The following GPR107 variants were observed in gnomAD, a reference collection of about 807,000 sequenced individuals.
The protein encoded by GPR107 is G protein-coupled receptor 107.
Under a neutral mutation model 75.5 loss-of-function variants are expected in GPR107, and 31 were observed. The observed-to-expected ratio is 0.41, with a 90% CI of 0.31 to 0.55. The LOEUF is 0.55. GPR107 is among the 20% of genes least tolerant of loss of function. The probability of loss-of-function intolerance (pLI) is 0.26; values close to 1 mark genes in which losing one functional copy is unlikely to be tolerated. For missense variants in GPR107, 572 were observed against 665.7 expected (o/e 0.86, Z 1.55); for synonymous variants, 267 against 251.3 (o/e 1.06, Z -0.59).
At chr9:130,107,439 TAGAG>T (rs1831186843) in intron 13 of GPR107, 53 bp from the exon 14 acceptor site, 16 of 969,600 alleles carry the variant, frequency 1.7e-5, no homozygotes, top group Non-Finnish European at 2.4e-5. Flanking sequence ...GAGCTGGAAA[TAGAG>T]AGGAGTGCAG....
rs547323889 is a variant in GPR107 at position 130,117,658 on chromosome 9, C to T, written c.1307-7257C>T. Among the ~76,000 whole-genome samples, 236 of 152,258 alleles carry T rather than the reference C, an allele frequency of 1.5e-3. 1 individual carries two copies. The highest frequency in any genetic ancestry group is 5.5e-3 in the African/African-American group (229 of 41,536). On this transcript the variant is annotated intron_variant, in intron 14 of 17. Coordinates refer to ENST00000347136, the MANE Select transcript of GPR107 (RefSeq NM_020960.5). ...CAGCGTAAGTCAGAGGTACTCTTAA[C>T]GCCAGCCAGGCTGTCCATCGTCTTT...
chr9:130,098,517 T>A (rs565612048), intron 9 of GPR107, among the ~76,000 whole-genome samples: 1 of 152,290 alleles, frequency 6.6e-6, no homozygotes, highest in African/African-American at 2.4e-5. Context: ...TCTACCTCAT[T>A]CTTGCCTCTG....
chr9:130,107,030 G>T (rs1324143967), intron 13 of GPR107, among the ~76,000 whole-genome samples: 1 of 152,170 alleles, frequency 6.6e-6, no homozygotes, highest in African/African-American at 2.4e-5. Flanking sequence ...TTTTTCAGCA[G>T]TGTTAAAAAT....
intron 17 of GPR107, among the ~76,000 whole-genome samples, chr9:130,132,829 T>TTATATATA (rs35291670): frequency 5.0e-4 from 74 of 147,696 alleles, no homozygotes; most frequent in African/African-American, 1.8e-3. Flanking sequence ...TTTTATATAT[T>TTATATATA]TATATATATA....
intron 9 of GPR107, 76 bp downstream of exon 9, chr9:130,092,457 G>A: frequency 8.3e-7 from 1 of 1,209,892 alleles, no homozygotes; most frequent in Non-Finnish European, 1.2e-6. Flanking sequence ...TCCTGAACCT[G>A]GAGGCAGTTG....
At chr9:130,104,931 T>G (rs1277390344) in intron 13 of GPR107, among the ~76,000 whole-genome samples, 2 of 152,236 alleles carry the variant, frequency 1.3e-5, no homozygotes, top group Non-Finnish European at 1.5e-5. Flanking sequence ...AGGAAGTTCA[T>G]TAACATAAAA....
At chr9:130,069,399 T>C (rs555529810) in intron 1 of GPR107, among the ~76,000 whole-genome samples, 2 of 152,308 alleles carry the variant, frequency 1.3e-5, no homozygotes, top group South Asian at 4.1e-4. Flanking sequence ...CCATTGCCTG[T>C]GTCAGTGCTA....
intron 2 of GPR107, 119 bp from the exon 3 acceptor site, chr9:130,076,293 A>G (rs1830347624): frequency 3.3e-6 from 2 of 612,996 alleles, no homozygotes; most frequent in South Asian, 2.2e-5. Flanking sequence ...TTCTTACAAA[A>G]TGAATGCTAA....
chr9:130,116,663 C>G (rs888126073), intron 14 of GPR107, among the ~76,000 whole-genome samples: 8 of 152,164 alleles, frequency 5.3e-5, no homozygotes, highest in African/African-American at 1.9e-4. Context: ...TTGCACACCA[C>G]CTTCTCGGGT....
At chr9:130,084,665 G>A (rs1320111295) in intron 6 of GPR107, among the ~76,000 whole-genome samples, 1 of 151,334 alleles carries the variant, frequency 6.6e-6, no homozygotes, top group African/African-American at 2.4e-5. Flanking sequence ...GGTCGCAGCT[G>A]TTCTGGAGGC....
intron 14 of GPR107, chr9:130,114,558 A>G: frequency 2.3e-6 from 1 of 437,890 alleles, no homozygotes; most frequent in East Asian, 8.4e-5. Flanking sequence ...AATTTTTAAA[A>G]TTTTTTTTGT....
intron 14 of GPR107, among the ~76,000 whole-genome samples, chr9:130,107,743 G>A (rs1299759958): frequency 6.6e-6 from 1 of 152,194 alleles, no homozygotes; most frequent in Non-Finnish European, 1.5e-5. Flanking sequence ...TAAGGAGGAG[G>A]TTGGGGGTGA....
At chr9:130,108,040 C>A (rs1321641882) in intron 14 of GPR107, among the ~76,000 whole-genome samples, 1 of 152,234 alleles carries the variant, frequency 6.6e-6, no homozygotes, top group Non-Finnish European at 1.5e-5. Context: ...CCCTTTATAG[C>A]CCTTTTGCAT....
intron 10 of GPR107, among the ~76,000 whole-genome samples, chr9:130,100,237 C>A (rs2017830): frequency 0.99 from 150,446 of 152,254 alleles, 74,342 homozygotes; most frequent in East Asian, 1. Context: ...TCATGTTCCT[C>A]TGTGATTTGA....
intron 14 of GPR107, among the ~76,000 whole-genome samples, chr9:130,119,822 TTTTTG>T: frequency 2.6e-5 from 1 of 38,116 alleles, no homozygotes; most frequent in African/African-American, 1.4e-4. Context: ...TAGTCTGTTT[TTTTTG>T]TTTGTTTGTT....
intron 17 of GPR107, among the ~76,000 whole-genome samples, chr9:130,132,581 G>A (rs2132660820): frequency 6.6e-6 from 1 of 152,324 alleles, no homozygotes; most frequent in African/African-American, 2.4e-5. Flanking sequence ...GAGGTCAGGA[G>A]TTTGAGACCA....
At chr9:130,062,420 GATAAT>G (rs1450550040) in intron 1 of GPR107, among the ~76,000 whole-genome samples, 1 of 139,874 alleles carries the variant, frequency 7.1e-6, no homozygotes, top group Non-Finnish European at 1.5e-5. Flanking sequence ...TCTCGAAAAT[GATAAT>G]AATAATAATA....
intron 1 of GPR107, among the ~76,000 whole-genome samples, chr9:130,072,257 C>T (rs1318234851): frequency 7.5e-4 from 110 of 146,488 alleles, no homozygotes; most frequent in African/African-American, 2.6e-3. Flanking sequence ...GTCTCGCTGT[C>T]GCCCAGGCTG....
intron 9 of GPR107, among the ~76,000 whole-genome samples, chr9:130,094,736 A>C (rs1012075230): frequency 6.6e-6 from 1 of 151,760 alleles, no homozygotes; most frequent in Non-Finnish European, 1.5e-5. Flanking sequence ...GCTGGAGTGC[A>C]GTGGTGAGAT....
Sources: gnomAD v4.1 joint callset for allele counts (sites outside exome capture counted in the v4.1 genomes callset) on GRCh38, gnomAD v4.1.1 for gene constraint, MANE v1.5 for transcripts, NCBI Gene and HGNC (gene_info 2026-07-23, HGNC 2026-07-21) for gene names.